Variants in SLC1A1 observed in about 807,000 individuals in gnomAD.
The protein encoded by SLC1A1 is solute carrier family 1 member 1, also known as excitatory amino acid transporter 3.
SLC1A1 carries 43 observed loss-of-function variants against 53.3 expected under a neutral mutation model. The ratio of observed to expected loss-of-function variants is 0.81; its 90% CI spans 0.63 to 1.04. The LOEUF (loss-of-function observed/expected upper bound fraction) is 1.04. Ranked by LOEUF, SLC1A1 falls within the 50% of genes least tolerant of loss-of-function variation. SLC1A1 has a pLI of 0.00. For missense variants in SLC1A1, 748 were observed against 664.9 expected (o/e 1.12, Z -1.37); for synonymous variants, 307 against 243.2 (o/e 1.26, Z -2.44).
chr9:4,577,660 G>A (rs1820684115), intron 10 of SLC1A1, among the ~76,000 whole-genome samples: 1 of 152,106 alleles, frequency 6.6e-6, no homozygotes, highest in Non-Finnish European at 1.5e-5. Flanking sequence ...ATTTTTAGTA[G>A]AGATGGGTTT....
At chr9:4,542,753 G>A (rs753928884) in intron 1 of SLC1A1, among the ~76,000 whole-genome samples, 8 of 152,072 alleles carry the variant, frequency 5.3e-5, no homozygotes, top group East Asian at 1.9e-4. Flanking sequence ...TGAGCACATC[G>A]TACTTTTTAA....
At chr9:4,526,064 C>T (rs557483058) in intron 1 of SLC1A1, among the ~76,000 whole-genome samples, 1 of 152,062 alleles carries the variant, frequency 6.6e-6, no homozygotes, top group African/African-American at 2.4e-5. Context: ...GCAGGAGGGT[C>T]AGTTGAGGCC....
chr9:4,543,372 C>T (rs2026829), intron 1 of SLC1A1, among the ~76,000 whole-genome samples: 97,680 of 152,042 alleles, frequency 0.64, 31,530 homozygotes, highest in Middle Eastern at 0.67. Context: ...ATTTATTTTT[C>T]TGCCTTAAAA....
chr9:4,529,887 G>T (rs1217464251), intron 1 of SLC1A1, among the ~76,000 whole-genome samples: 2 of 152,092 alleles, frequency 1.3e-5, no homozygotes, highest in African/African-American at 4.8e-5. Flanking sequence ...TGGCCCATGG[G>T]CCTAGTCCCT....
chr9:4,530,530 T>C (rs1816429584), intron 1 of SLC1A1, among the ~76,000 whole-genome samples: 1 of 152,128 alleles, frequency 6.6e-6, no homozygotes, highest in Non-Finnish European at 1.5e-5. Context: ...GAGAAACCCA[T>C]TAGACCTTTA....
At chr9:4,581,680 T>C (rs1821111854) in intron 10 of SLC1A1, among the ~76,000 whole-genome samples, 1 of 152,230 alleles carries the variant, frequency 6.6e-6, no homozygotes, top group Non-Finnish European at 1.5e-5. Context: ...AAAGAGTACT[T>C]AGGTCAGAAG....
chr9:4,541,035 G>A (rs1436007215), intron 1 of SLC1A1, among the ~76,000 whole-genome samples: 1 of 152,188 alleles, frequency 6.6e-6, no homozygotes, highest in East Asian at 1.9e-4. Context: ...GAAATTACCT[G>A]TGTCTGTGGT....
chr9:4,511,176 G>A (rs538068912), intron 1 of SLC1A1, among the ~76,000 whole-genome samples: 1 of 152,300 alleles, frequency 6.6e-6, no homozygotes, highest in African/African-American at 2.4e-5. Context: ...TCTGGCTGCT[G>A]TAACAACATC....
chr9:4,520,658 C>G (rs954334909), intron 1 of SLC1A1, among the ~76,000 whole-genome samples: 4 of 152,090 alleles, frequency 2.6e-5, no homozygotes, highest in African/African-American at 9.7e-5. Flanking sequence ...TTTTGTTTAT[C>G]CAATAATAAA....
intron 1 of SLC1A1, among the ~76,000 whole-genome samples, chr9:4,531,504 G>C (rs1200615261): frequency 1.3e-5 from 2 of 152,170 alleles, no homozygotes; most frequent in African/African-American, 2.4e-5. Context: ...CAGCGAGACT[G>C]GGGGAGGGGC....
intron 1 of SLC1A1, among the ~76,000 whole-genome samples, chr9:4,499,050 CT>C (rs5896080): frequency 0.017 from 2,231 of 134,998 alleles, 41 homozygotes; most frequent in African/African-American, 0.058. Context: ...ATATATATAT[CT>C]TTTTTTTTTT....
chr9:4,490,671 G>C lies in SLC1A1; in HGVS notation c.-9G>C. 3 of 1,611,678 alleles carry C rather than the reference G, an allele frequency of 1.9e-6. No individual in the cohort carries two copies. Among genetic ancestry groups the C allele is most frequent in the Non-Finnish European group, 2.5e-6 (3 of 1,178,326 alleles). On this transcript the variant is annotated 5_prime_UTR_variant, in exon 1 of 12. Coordinates refer to ENST00000262352, the MANE Select transcript of SLC1A1 (RefSeq NM_004170.6). ...CGGCCGAGCCCAGCGCACAATAGCG[G>C]CGACAGCCATGGGGAAACCGGCGAG...
rs990991048 is a variant in SLC1A1 at position 4,551,136 on chromosome 9, G to T, written c.232+6429G>T. ...GGGTGAGCAGAATAAAGTGCAGTTG[G>T]TGATAGTTTTAGAGCACCTTATTTG... On this transcript the variant is annotated intron_variant, in intron 2 of 11. Transcript: ENST00000262352. Among the ~76,000 whole-genome samples, 8 of 152,184 alleles carry T rather than the reference G, an allele frequency of 5.3e-5. No individual in the cohort carries two copies. In the South Asian group the frequency reaches 6.2e-4, roughly 12 times the overall value.
intron 2 of SLC1A1, among the ~76,000 whole-genome samples, chr9:4,557,065 C>T (rs1303735254): frequency 6.6e-6 from 1 of 152,162 alleles, no homozygotes; most frequent in Non-Finnish European, 1.5e-5. Context: ...TCTAAGGGGA[C>T]TACCTGCTGA....
chr9:4,586,301 A>C lies in SLC1A1; in HGVS notation c.*743A>C, dbSNP rs988554268. 6.6e-6 allele frequency: 1 copy of C among 152,178 alleles called. No individual in the cohort carries two copies. Among genetic ancestry groups the C allele is most frequent in the African/African-American group, 2.4e-5 (1 of 41,426 alleles). The allele number at this position is 152,178 out of a possible 1,614,324, so 9.4% of individuals were successfully genotyped here. ...ATTGAACCGTCAATGTGAAATAAAG[A>C]GTTCTCCTTGTACTTGAATAATAAC... On this transcript the variant is annotated 3_prime_UTR_variant, in exon 12 of 12. Transcript: ENST00000262352.
rs1219676431 is a variant in SLC1A1, at chr9:4,537,326, G to A, written c.92-7241G>A. On this transcript the variant is annotated intron_variant, in intron 1 of 11. Transcript: ENST00000262352. ...TGTAATCCCAGCACTTTGGGAGGCC[G>A]AGGCGGGTGGATCATGAGGTCAGGA... 5.2e-5 allele frequency among the ~76,000 whole-genome samples: 2 copies of A among 38,224 alleles called. 1 individual carries two copies. Among genetic ancestry groups the A allele is most frequent in the Non-Finnish European group, 1.3e-4 (2 of 15,158 alleles). The allele number at this position is 38,224 out of a possible 152,430, so 25.1% of individuals were successfully genotyped here.
At chr9:4,563,122 A>G (rs916170800) in intron 3 of SLC1A1, among the ~76,000 whole-genome samples, 3 of 146,078 alleles carry the variant, frequency 2.1e-5, no homozygotes, top group African/African-American at 7.7e-5. Flanking sequence ...GTATAATAAT[A>G]AAAGAAAAAA....
chr9:4,514,783 A>G (rs1821109399), intron 1 of SLC1A1, among the ~76,000 whole-genome samples: 1 of 152,172 alleles, frequency 6.6e-6, no homozygotes, highest in Non-Finnish European at 1.5e-5. Flanking sequence ...AGTTTGCAGA[A>G]TGAACTGGCA....
At chr9:4,544,969 C>A (rs1334556857) in intron 2 of SLC1A1, among the ~76,000 whole-genome samples, 1 of 152,148 alleles carries the variant, frequency 6.6e-6, no homozygotes, top group African/African-American at 2.4e-5. Context: ...CGTGAGAACT[C>A]ACTCACTATC....
Sources: gnomAD v4.1 joint callset for allele counts (sites outside exome capture counted in the v4.1 genomes callset) on GRCh38, gnomAD v4.1.1 for gene constraint, MANE v1.5 for transcripts, NCBI Gene and HGNC (gene_info 2026-07-23, HGNC 2026-07-21) for gene names.